Variants in MRTFA observed in about 807,000 individuals in gnomAD.
MRTFA encodes the protein myocardin related transcription factor A, also known as myocardin-related transcription factor A.
A neutral mutation model predicts 83.5 loss-of-function variants in MRTFA; 20 were observed. The observed-to-expected ratio is 0.24, with a 90% confidence interval of 0.17 to 0.35. MRTFA has a LOEUF of 0.35. Among genes scored for constraint, MRTFA ranks in the 10% least tolerant of loss-of-function variants. MRTFA has a pLI of 1.00. For synonymous variants in MRTFA, 659 were observed against 541.2 expected, an observed-to-expected ratio of 1.22 and a Z score of -3.02; for missense variants, 1,200 against 1,224.7, an observed-to-expected ratio of 0.98 and a Z score of 0.30.
intron 6 of MRTFA, among the ~76,000 whole-genome samples, 174 bp from the exon 7 acceptor site, chr22:40,429,941 A>AGG (rs1255814967): frequency 1.3e-5 from 2 of 152,110 alleles, no homozygotes; most frequent in Non-Finnish European, 2.9e-5. Context: ...AGACAAGAGA[A>AGG]GGGGTTCCCA....
At chr22:40,588,531 G>T (rs2056067043) in intron 2 of MRTFA, among the ~76,000 whole-genome samples, 1 of 152,028 alleles carries the variant, frequency 6.6e-6, no homozygotes, top group Admixed American at 6.6e-5. Flanking sequence ...TTGGATATAT[G>T]GTACCTTCCC....
At chr22:40,421,153 G>T (rs1270949688) in intron 9 of MRTFA, 53 bp from the exon 10 acceptor site, 1 of 1,503,302 alleles carries the variant, frequency 6.7e-7, no homozygotes, top group Non-Finnish European at 8.9e-7. Flanking sequence ...GGCTTCTCGG[G>T]GTGGGGCTGG....
At chr22:40,497,633 A>G (rs140714491) in intron 3 of MRTFA, among the ~76,000 whole-genome samples, 40 of 152,180 alleles carry the variant, frequency 2.6e-4, no homozygotes, top group African/African-American at 9.4e-4. Flanking sequence ...CACGCCTATA[A>G]TCCCAGCTAC....
chr22:40,488,579 C>T (rs2054212341), intron 3 of MRTFA, among the ~76,000 whole-genome samples: 1 of 151,828 alleles, frequency 6.6e-6, no homozygotes, highest in Non-Finnish European at 1.5e-5. Flanking sequence ...CTGTAATCCT[C>T]CCAGCTCTTT....
intron 1 of MRTFA, among the ~76,000 whole-genome samples, chr22:40,627,583 G>A (rs1028168823): frequency 3.9e-5 from 6 of 152,088 alleles, no homozygotes; most frequent in East Asian, 1.9e-4. Context: ...TGACATTTTC[G>A]CTAACTATGC....
At chr22:40,549,993 G>A (rs573586836) in intron 3 of MRTFA, among the ~76,000 whole-genome samples, 6 of 149,546 alleles carry the variant, frequency 4.0e-5, no homozygotes, top group Non-Finnish European at 8.9e-5. Context: ...AGGCTGCAGT[G>A]AGCCAAGGTC....
chr22:40,447,492 T>C (rs1297120963), intron 4 of MRTFA, among the ~76,000 whole-genome samples: 5 of 151,996 alleles, frequency 3.3e-5, no homozygotes, highest in Non-Finnish European at 7.4e-5. Context: ...CCTGCCTGCA[T>C]GGCATCAAGG....
intron 1 of MRTFA, among the ~76,000 whole-genome samples, chr22:40,623,374 GGTTA>G (rs1416690763): frequency 2.0e-5 from 3 of 151,804 alleles, no homozygotes; most frequent in South Asian, 2.1e-4. Context: ...ACATTGTGCA[GGTTA>G]GTTACATATG....
At chr22:40,588,027 ATTT>A (rs771409551) in intron 2 of MRTFA, 182 of 143,750 alleles carry the variant, frequency 1.3e-3, no homozygotes, top group South Asian at 5.4e-3. Flanking sequence ...ACACTCCAAC[ATTT>A]TTTTTTTTTT....
chr22:40,430,797 G>A (rs1002787432), intron 6 of MRTFA, among the ~76,000 whole-genome samples: 1 of 143,266 alleles, frequency 7.0e-6, no homozygotes, highest in African/African-American at 2.6e-5. Context: ...AAGATAAGAG[G>A]TTGCAGTGAG....
intron 3 of MRTFA, among the ~76,000 whole-genome samples, chr22:40,472,551 A>G (rs1054184488): frequency 2.6e-5 from 4 of 152,192 alleles, no homozygotes; most frequent in African/African-American, 9.6e-5. Context: ...TTCACATTGA[A>G]AAACTTAAGA....
At chr22:40,612,898 G>A (rs1225352426) in intron 1 of MRTFA, among the ~76,000 whole-genome samples, 1 of 152,202 alleles carries the variant, frequency 6.6e-6, no homozygotes, top group Non-Finnish European at 1.5e-5. Flanking sequence ...AGTGAGCCAT[G>A]ATCATGCCAC....
intron 12 of MRTFA, among the ~76,000 whole-genome samples, 160 bp downstream of exon 12, chr22:40,418,214 T>G (rs1158121841): frequency 1.3e-5 from 2 of 152,194 alleles, no homozygotes; most frequent in African/African-American, 4.8e-5. Context: ...GGCAGGTCCC[T>G]TAACTTTCCT....
chr22:40,425,389 C>T (rs780126140), intron 7 of MRTFA, among the ~76,000 whole-genome samples: 2 of 152,218 alleles, frequency 1.3e-5, no homozygotes, highest in Non-Finnish European at 2.9e-5. Flanking sequence ...AGCTGCCGCC[C>T]AAGCCTGGGG....
intron 3 of MRTFA, among the ~76,000 whole-genome samples, chr22:40,502,558 C>T (rs1382202943): frequency 6.9e-6 from 1 of 144,620 alleles, no homozygotes; most frequent in East Asian, 2.2e-4. Context: ...AGACGCTCCT[C>T]ACTTTCCAGA....
rs767891309 is a variant in MRTFA at position 40,411,484 on chromosome 22, C to G, written c.3002G>C (p.Ser1001Thr). The G allele has an allele frequency of 1.9e-6, 3 of 1,609,784 alleles. No individual in the cohort carries two copies. The African/African-American group carries it at 4.0e-5, about 22-fold the overall frequency. ...GGCTGTGGTGCTGAGGGGGGCTAGGCTCAGCACGGGACCACCTGACGACAG... is the reference window on the plus strand; with the variant it reads ...GGCTGTGGTGCTGAGGGGGGCTAGGGTCAGCACGGGACCACCTGACGACAG... The change falls in exon 15 of 15, where the codon AGC becomes ACC. Residue 1001 changes from serine to threonine, a missense_variant. By Grantham distance (58) the Ser-to-Thr change is moderately conservative. Around this residue, in one of 2 missense-constraint regions of MRTFA, gnomAD observed 1,107 missense variants for 1,041.8 expected, o/e 1.06. Transcript: ENST00000355630.
intron 1 of MRTFA, among the ~76,000 whole-genome samples, chr22:40,629,822 T>C (rs2056622581): frequency 6.8e-6 from 1 of 147,790 alleles, no homozygotes; most frequent in South Asian, 2.1e-4. Flanking sequence ...TGGTGGTACA[T>C]GCTGTTGTCC....
intron 1 of MRTFA, among the ~76,000 whole-genome samples, chr22:40,624,333 G>A (rs544220335): frequency 6.6e-6 from 1 of 151,072 alleles, no homozygotes; most frequent in South Asian, 2.1e-4. Flanking sequence ...GGCTGAGGCA[G>A]GAGAATCACC....
At chr22:40,492,201 T>G in intron 3 of MRTFA, among the ~76,000 whole-genome samples, 1 of 152,180 alleles carries the variant, frequency 6.6e-6, no homozygotes, top group Non-Finnish European at 1.5e-5. Context: ...AGGCCATTTA[T>G]TATTTGCCGA....
Sources: gnomAD v4.1 joint callset for allele counts (sites outside exome capture counted in the v4.1 genomes callset) on GRCh38, gnomAD v4.1.1 for gene constraint, gnomAD v4.1.1 regional missense constraint, MANE v1.5 for transcripts, NCBI Gene and HGNC (gene_info 2026-07-23, HGNC 2026-07-21) for gene names.